The following RASGEF1C variants were observed in gnomAD, a reference collection of about 807,000 sequenced individuals.
RASGEF1C encodes RasGEF domain family member 1C.
In RASGEF1C, 27 loss-of-function variants were observed where a neutral mutation model predicts 58.1. The ratio of observed to expected loss-of-function variants is 0.46; its 90% CI spans 0.34 to 0.64. The LOEUF (loss-of-function observed/expected upper bound fraction) is 0.64. Among genes scored for constraint, RASGEF1C ranks in the 30% least tolerant of loss-of-function variants. RASGEF1C has a pLI of 0.01. For missense variants in RASGEF1C, 502 were observed against 605.1 expected (o/e 0.83, Z 1.79); for synonymous variants, 243 against 246.3 (o/e 0.99, Z 0.13).
At chr5:180,103,321 C>A (rs1250396699) in intron 12 of RASGEF1C, among the ~76,000 whole-genome samples, 1 of 152,206 alleles carries the variant, frequency 6.6e-6, no homozygotes, top group Non-Finnish European at 1.5e-5. Flanking sequence ...TTGTGATCCG[C>A]CCGCCTCGGC....
intron 1 of RASGEF1C, among the ~76,000 whole-genome samples, chr5:180,178,441 G>C (rs1269997480): frequency 6.6e-6 from 1 of 151,040 alleles, no homozygotes; most frequent in Non-Finnish European, 1.5e-5. Context: ...TACCACTCCA[G>C]GCTAATTGTT....
At chr5:180,116,881 A>C (rs1367823010) in intron 10 of RASGEF1C, among the ~76,000 whole-genome samples, 1 of 152,262 alleles carries the variant, frequency 6.6e-6, no homozygotes, top group African/African-American at 2.4e-5. Flanking sequence ...CTTCAGAGCC[A>C]GACAGGCTGG....
chr5:180,199,518 C>T (rs955881504), intron 1 of RASGEF1C, among the ~76,000 whole-genome samples: 3 of 152,184 alleles, frequency 2.0e-5, no homozygotes, highest in African/African-American at 4.8e-5. Context: ...GTCTGCACTC[C>T]GTCCCACGCT....
chr5:180,148,433 G>T (rs1766692549), intron 1 of RASGEF1C, among the ~76,000 whole-genome samples: 2 of 150,556 alleles, frequency 1.3e-5, no homozygotes, highest in Middle Eastern at 3.2e-3. Context: ...CTTATTTCCT[G>T]CAGTACTGTG....
At position 180,136,408 on chromosome 5, in the gene RASGEF1C, G is replaced by A. The variant is rs1406103743; in HGVS notation, c.408C>T (p.Asp136=). The A allele has an allele frequency of 6.4e-7, 1 of 1,559,698 alleles. No individual in the cohort carries two copies. Among genetic ancestry groups the A allele is most frequent in the Non-Finnish European group, 8.7e-7 (1 of 1,151,870 alleles). The change falls in exon 4 of 14, where the codon GAC becomes GAT. Residue 136 remains aspartate, a synonymous_variant. Transcript: ENST00000361132. ...CACAGGGGGCGATGCGGCCCACGAC[G>A]TCCTTAAGGTGCCCGATAGTCGACT... ...QEESTIGHLK[D]VVGRIAPCDE...
chr5:180,183,822 C>CAATAAATAAATA (rs56828482), intron 1 of RASGEF1C, among the ~76,000 whole-genome samples: 14 of 149,414 alleles, frequency 9.4e-5, no homozygotes, highest in African/African-American at 2.5e-4. Flanking sequence ...AACTCCATCT[C>CAATAAATAAATA]AATAAATAAA....
intron 1 of RASGEF1C, among the ~76,000 whole-genome samples, chr5:180,181,897 C>T (rs944057582): frequency 2.6e-5 from 4 of 152,104 alleles, no homozygotes; most frequent in Admixed American, 6.5e-5. Flanking sequence ...TTTGTGGTCT[C>T]GCTGACTTCA....
intron 1 of RASGEF1C, among the ~76,000 whole-genome samples, chr5:180,148,121 T>C (rs760067415): frequency 6.6e-6 from 1 of 152,220 alleles, no homozygotes; most frequent in Non-Finnish European, 1.5e-5. Flanking sequence ...TGGTAATCCT[T>C]TAAAATTTAA....
intron 1 of RASGEF1C, among the ~76,000 whole-genome samples, chr5:180,176,441 G>A (rs545057315): frequency 6.6e-6 from 1 of 152,348 alleles, no homozygotes; most frequent in Admixed American, 6.5e-5. Flanking sequence ...CAGGCCCCGC[G>A]CCATCCATCG....
At chr5:180,108,440 A>T (rs1000871559) in intron 12 of RASGEF1C, among the ~76,000 whole-genome samples, 1 of 152,048 alleles carries the variant, frequency 6.6e-6, no homozygotes, top group Admixed American at 6.5e-5. Flanking sequence ...TGACCTCATG[A>T]TCTGCCTGCC....
chr5:180,104,212 T>C (rs1765841380), intron 12 of RASGEF1C, among the ~76,000 whole-genome samples: 1 of 152,224 alleles, frequency 6.6e-6, no homozygotes, highest in South Asian at 2.1e-4. Context: ...GAAAAATTCA[T>C]GTTGAAACAT....
chr5:180,122,605 G>A (rs1293589690), intron 6 of RASGEF1C, among the ~76,000 whole-genome samples: 1 of 152,010 alleles, frequency 6.6e-6, no homozygotes, highest in East Asian at 1.9e-4. Context: ...GCTGGATGTG[G>A]TGGTGGGTGC....
At chr5:180,202,589 T>A (rs1343206606) in intron 1 of RASGEF1C, among the ~76,000 whole-genome samples, 1 of 152,162 alleles carries the variant, frequency 6.6e-6, no homozygotes, top group Non-Finnish European at 1.5e-5. Context: ...ACAACATTTT[T>A]AAAAATTTAG....
intron 11 of RASGEF1C, among the ~76,000 whole-genome samples, chr5:180,113,715 T>TGGAGGGATCCGGGCTGGAC (rs1766013707): frequency 4.4e-5 from 3 of 68,358 alleles, no homozygotes; most frequent in Admixed American, 3.1e-4. Context: ...CGGGGATGGA[T>TGGAGGGATCCGGGCTGGAC]GGAGGGATCC....
At chr5:180,208,344 C>T (rs1451994307) in intron 1 of RASGEF1C, among the ~76,000 whole-genome samples, 1 of 152,186 alleles carries the variant, frequency 6.6e-6, no homozygotes, top group African/African-American at 2.4e-5. Flanking sequence ...GTCTTTCCCA[C>T]AGTTTCCCAC....
intron 10 of RASGEF1C, chr5:180,115,203 CG>C (rs1250330409): frequency 8.1e-6 from 3 of 372,494 alleles, no homozygotes; most frequent in South Asian, 5.9e-5. Flanking sequence ...TTAGTAGAGA[CG>C]GGGGTTTCAC....
intron 10 of RASGEF1C, among the ~76,000 whole-genome samples, chr5:180,115,889 C>T (rs1035960686): frequency 3.3e-5 from 5 of 152,080 alleles, no homozygotes; most frequent in Admixed American, 2.0e-4. Flanking sequence ...TGGGGGTGGT[C>T]TGTGTCTGTG....
chr5:180,103,338 G>C (rs541132517), intron 12 of RASGEF1C, among the ~76,000 whole-genome samples: 1 of 152,190 alleles, frequency 6.6e-6, no homozygotes, highest in Non-Finnish European at 1.5e-5. Context: ...CGGCCTCCCA[G>C]AGTGCTGAGA....
chr5:180,111,883 G>T (rs1215917875), intron 11 of RASGEF1C, among the ~76,000 whole-genome samples: 2 of 152,178 alleles, frequency 1.3e-5, no homozygotes, highest in Admixed American at 6.5e-5. Flanking sequence ...ATTTAAGTAA[G>T]ACTTAAGTAA....
Sources: gnomAD v4.1 joint callset for allele counts (sites outside exome capture counted in the v4.1 genomes callset) on GRCh38, gnomAD v4.1.1 for gene constraint, MANE v1.5 for transcripts, NCBI Gene and HGNC (gene_info 2026-07-23, HGNC 2026-07-21) for gene names.